The following THSD7A variants were observed in gnomAD, a reference collection of about 807,000 sequenced individuals.
THSD7A encodes the protein thrombospondin type-1 domain-containing protein 7A.
In THSD7A, 96 loss-of-function variants were observed where a neutral mutation model predicts 231.3. That is an observed-to-expected ratio of 0.41 (90% confidence interval 0.35 to 0.49). THSD7A has a LOEUF of 0.49. Among genes scored for constraint, THSD7A ranks in the 20% least tolerant of loss-of-function variants. The pLI, the probability that THSD7A is intolerant of heterozygous loss-of-function variation, is 0.05. For synonymous variants in THSD7A, 940 were observed against 743.3 expected, an observed-to-expected ratio of 1.26 and a Z score of -4.30; for missense variants, 2,290 against 2,070.2, an observed-to-expected ratio of 1.11 and a Z score of -2.06.
intron 1 of THSD7A, among the ~76,000 whole-genome samples, chr7:11,797,175 A>C (rs1784147889): frequency 6.6e-6 from 1 of 152,016 alleles, no homozygotes; most frequent in African/African-American, 2.4e-5. Flanking sequence ...TTTTATGTTT[A>C]TTTTCTTACC....
chr7:11,638,585 G>C (rs1189378910), intron 1 of THSD7A, among the ~76,000 whole-genome samples: 1 of 152,142 alleles, frequency 6.6e-6, no homozygotes, highest in African/African-American at 2.4e-5. Flanking sequence ...AATCATTATT[G>C]CATGAAAGTA....
chr7:11,433,918 C>T (rs1784553994), intron 13 of THSD7A, among the ~76,000 whole-genome samples: 1 of 151,986 alleles, frequency 6.6e-6, no homozygotes, highest in Admixed American at 6.6e-5. Flanking sequence ...GCCTATTAAA[C>T]TGTTAAAAGA....
intron 1 of THSD7A, among the ~76,000 whole-genome samples, chr7:11,648,637 C>CGTGTGTGTGTGT (rs3031455): frequency 0.12 from 16,886 of 140,974 alleles, 1,195 homozygotes; most frequent in Admixed American, 0.16. Flanking sequence ...TATTTTGTGG[C>CGTGTGTGTGTGT]GTGTGTGTGT....
chr7:11,568,068 C>T (rs757746114), intron 4 of THSD7A, among the ~76,000 whole-genome samples: 2 of 152,040 alleles, frequency 1.3e-5, no homozygotes, highest in Non-Finnish European at 2.9e-5. Flanking sequence ...ATTTTCCTAT[C>T]GTTATTCTTT....
intron 1 of THSD7A, among the ~76,000 whole-genome samples, chr7:11,781,035 A>AAT (rs1783612377): frequency 7.5e-6 from 1 of 133,700 alleles, no homozygotes; most frequent in Non-Finnish European, 1.6e-5. Context: ...AAAAAAAAAA[A>AAT]AAATTTATAG....
intron 20 of THSD7A, 33 bp from the exon 21 acceptor site, chr7:11,407,088 A>G: frequency 1.2e-6 from 2 of 1,611,102 alleles, no homozygotes; most frequent in Non-Finnish European, 8.5e-7. Context: ...CACCTTTAAT[A>G]TATGTTATGG....
chr7:11,759,687 G>A (rs1782795374), intron 1 of THSD7A, among the ~76,000 whole-genome samples: 1 of 152,040 alleles, frequency 6.6e-6, no homozygotes, highest in Middle Eastern at 3.4e-3. Context: ...CACCTAGAGA[G>A]CAGAATGCCA....
At chr7:11,376,457 A>G in intron 27 of THSD7A, 113 bp downstream of exon 27, 2 of 820,804 alleles carry the variant, frequency 2.4e-6, no homozygotes, top group South Asian at 4.4e-5. Flanking sequence ...ATGTTTATTT[A>G]GAAATTCATG....
At chr7:11,615,543 A>G (rs1032198757) in intron 2 of THSD7A, among the ~76,000 whole-genome samples, 11 of 152,110 alleles carry the variant, frequency 7.2e-5, no homozygotes, top group African/African-American at 2.4e-4. Flanking sequence ...ACTAACCAAT[A>G]TACTAGTTTT....
chr7:11,581,065 G>A (rs893157381), intron 4 of THSD7A, among the ~76,000 whole-genome samples: 1 of 151,982 alleles, frequency 6.6e-6, no homozygotes, highest in South Asian at 2.1e-4. Context: ...AATAACACTT[G>A]GGAGAATGAA....
chr7:11,513,790 C>T lies in THSD7A; in HGVS notation c.1822+27629G>A, dbSNP rs147994836. On this transcript the variant is annotated intron_variant, in intron 6 of 27. Transcript: ENST00000423059. ...CTTTAAAATGGTTACTTTTATGTTA[C>T]ATAAATTTCACCTTAATTTAAAAAA... Among the ~76,000 whole-genome samples, 34 of 152,202 alleles carry T rather than the reference C, an allele frequency of 2.2e-4. No individual in the cohort carries two copies. In the East Asian group the frequency reaches 6.4e-3, roughly 28 times the overall value.
chr7:11,778,287 AAAAAAAT>A (rs1783503995), intron 1 of THSD7A, among the ~76,000 whole-genome samples: 1 of 25,102 alleles, frequency 4.0e-5, no homozygotes, highest in Non-Finnish European at 7.1e-5. Context: ...TCTAAATGAT[AAAAAAAT>A]GATAAAAAAC....
intron 1 of THSD7A, among the ~76,000 whole-genome samples, chr7:11,761,513 TG>T (rs1288840696): frequency 6.6e-6 from 1 of 152,144 alleles, no homozygotes; most frequent in Non-Finnish European, 1.5e-5. Context: ...ATACATACAA[TG>T]TATATATATG....
intron 1 of THSD7A, among the ~76,000 whole-genome samples, chr7:11,818,853 T>C (rs1784786896): frequency 6.8e-6 from 1 of 146,332 alleles, no homozygotes; most frequent in South Asian, 2.1e-4. Flanking sequence ...CTACATTTAT[T>C]CCTTACTTAA....
intron 23 of THSD7A, among the ~76,000 whole-genome samples, chr7:11,394,806 G>GTAC (rs1783118444): frequency 6.6e-6 from 1 of 152,106 alleles, no homozygotes; most frequent in South Asian, 2.1e-4. Flanking sequence ...CTGTGGCCGA[G>GTAC]TACTCATTTC....
chr7:11,729,657 G>A (rs1449220538), intron 1 of THSD7A, among the ~76,000 whole-genome samples: 2 of 151,694 alleles, frequency 1.3e-5, no homozygotes, highest in Non-Finnish European at 3.0e-5. Flanking sequence ...TTTAAAGGTA[G>A]CAGATTTAAA....
chr7:11,519,329 C>A (rs1240596203), intron 6 of THSD7A, among the ~76,000 whole-genome samples: 1 of 152,132 alleles, frequency 6.6e-6, no homozygotes, highest in Non-Finnish European at 1.5e-5. Flanking sequence ...ACTTTTAACT[C>A]AGTTGTTTAG....
intron 7 of THSD7A, among the ~76,000 whole-genome samples, chr7:11,475,979 T>A (rs1583813475): frequency 6.8e-6 from 1 of 147,766 alleles, no homozygotes; most frequent in Non-Finnish European, 1.5e-5. Context: ...ATTAACTATA[T>A]CATGAGAGTT....
chr7:11,591,156 ATTTT>A (rs59544271), intron 3 of THSD7A, among the ~76,000 whole-genome samples: 1 of 142,706 alleles, frequency 7.0e-6, no homozygotes, highest in Non-Finnish European at 1.5e-5. Context: ...CAAGAATAAG[ATTTT>A]TTTTTTTTTT....
Sources: gnomAD v4.1 joint callset for allele counts (sites outside exome capture counted in the v4.1 genomes callset) on GRCh38, gnomAD v4.1.1 for gene constraint, MANE v1.5 for transcripts, NCBI Gene and HGNC (gene_info 2026-07-23, HGNC 2026-07-21) for gene names.